The following LRMDA variants were observed in gnomAD, a reference collection of about 807,000 sequenced individuals.
LRMDA encodes leucine-rich melanocyte differentiation-associated protein.
Under a neutral mutation model 29.8 loss-of-function variants are expected in LRMDA, and 18 were observed. That is an observed-to-expected ratio of 0.60 (90% CI 0.42 to 0.90). LRMDA has a LOEUF of 0.90. LRMDA is among the 40% of genes least tolerant of loss of function. The pLI, the probability that LRMDA is intolerant of heterozygous loss-of-function variation, is 0.00. For synonymous variants in LRMDA, 125 were observed against 109.4 expected (o/e 1.14, Z -0.89); for missense variants, 273 against 273.9 (o/e 1.00, Z 0.02).
At chr10:75,764,135 C>T (rs1185687561) in intron 2 of LRMDA, among the ~76,000 whole-genome samples, 1 of 152,158 alleles carries the variant, frequency 6.6e-6, no homozygotes, top group Non-Finnish European at 1.5e-5. Flanking sequence ...TAGCCTCTCC[C>T]TTTCTAGCTC....
chr10:76,415,262 T>C (rs1359683456), intron 6 of LRMDA, among the ~76,000 whole-genome samples: 4 of 152,254 alleles, frequency 2.6e-5, no homozygotes, highest in Admixed American at 2.0e-4. Context: ...AGGGTTGACA[T>C]AAAGACATCA....
intron 2 of LRMDA, among the ~76,000 whole-genome samples, chr10:75,832,773 AT>A (rs926348427): frequency 6.6e-6 from 1 of 152,208 alleles, no homozygotes; most frequent in Non-Finnish European, 1.5e-5. Context: ...TCTTACGTGG[AT>A]GGTAGCAGGC....
intron 2 of LRMDA, among the ~76,000 whole-genome samples, chr10:75,634,523 T>C (rs1017170288): frequency 6.6e-6 from 1 of 152,308 alleles, no homozygotes; most frequent in African/African-American, 2.4e-5. Context: ...AGAGTGGCAT[T>C]CCCCAGGTGA....
intron 2 of LRMDA, among the ~76,000 whole-genome samples, chr10:75,652,726 A>ATG (rs1281449763): frequency 6.6e-6 from 1 of 151,696 alleles, no homozygotes; most frequent in Non-Finnish European, 1.5e-5. Context: ...ATTCTGGGGG[A>ATG]TGTGTGTGTG....
intron 2 of LRMDA, among the ~76,000 whole-genome samples, chr10:75,600,216 C>G (rs537058116): frequency 7.9e-5 from 12 of 152,276 alleles, no homozygotes; most frequent in Middle Eastern, 3.4e-3. Context: ...GCCTCAGGCT[C>G]CTGCATCTTC....
intron 6 of LRMDA, among the ~76,000 whole-genome samples, chr10:76,472,503 A>AG (rs1230443519): frequency 6.6e-6 from 1 of 151,732 alleles, no homozygotes; most frequent in Non-Finnish European, 1.5e-5. Context: ...TTAAGACAGT[A>AG]GAAAAACAAG....
At chr10:76,473,369 C>T (rs907173351) in intron 6 of LRMDA, among the ~76,000 whole-genome samples, 3 of 151,302 alleles carry the variant, frequency 2.0e-5, no homozygotes, top group East Asian at 1.9e-4. Context: ...TTCCCCAACG[C>T]GATAAAGGAC....
chr10:76,278,421 C>T (rs1236045775), intron 5 of LRMDA, among the ~76,000 whole-genome samples: 2 of 152,176 alleles, frequency 1.3e-5, no homozygotes, highest in Non-Finnish European at 2.9e-5. Context: ...GCATGTAAAA[C>T]TGTGATATTA....
At chr10:75,625,257 A>C (rs1352831431) in intron 2 of LRMDA, among the ~76,000 whole-genome samples, 1 of 152,220 alleles carries the variant, frequency 6.6e-6, no homozygotes, top group Non-Finnish European at 1.5e-5. Flanking sequence ...ACATGCACCA[A>C]CTGTATTTAA....
At chr10:75,634,032 A>G (rs1051388049) in intron 2 of LRMDA, among the ~76,000 whole-genome samples, 23 of 152,250 alleles carry the variant, frequency 1.5e-4, no homozygotes, top group African/African-American at 5.1e-4. Flanking sequence ...TAGGAAATTT[A>G]TTAATATAAA....
intron 6 of LRMDA, among the ~76,000 whole-genome samples, chr10:76,521,713 T>C (rs1843123002): frequency 6.6e-6 from 1 of 152,236 alleles, no homozygotes; most frequent in South Asian, 2.1e-4. Context: ...GTACTCCAGT[T>C]GACTTGATTC....
chr10:76,102,957 C>G (rs1345905545), intron 5 of LRMDA, among the ~76,000 whole-genome samples: 1 of 152,178 alleles, frequency 6.6e-6, no homozygotes, highest in Non-Finnish European at 1.5e-5. Flanking sequence ...ACATGTCCTG[C>G]TTGAGTACCT....
At chr10:76,226,364 C>A (rs1209136293) in intron 5 of LRMDA, among the ~76,000 whole-genome samples, 1 of 152,026 alleles carries the variant, frequency 6.6e-6, no homozygotes, top group East Asian at 1.9e-4. Flanking sequence ...GGGTGGATCA[C>A]CTGAGGTCGG....
At chr10:75,772,207 G>A (rs1843249774) in intron 2 of LRMDA, among the ~76,000 whole-genome samples, 1 of 152,140 alleles carries the variant, frequency 6.6e-6, no homozygotes, top group Non-Finnish European at 1.5e-5. Context: ...CTTCATGTTT[G>A]CTTTTATTGT....
Position 75,609,932 on chromosome 10 carries a change from T to C in LRMDA, c.131+171438T>C, listed in dbSNP as rs536044357. 2.6e-5 allele frequency among the ~76,000 whole-genome samples: 4 copies of C among 152,256 alleles called. No homozygotes were observed. The East Asian group carries it at 7.7e-4, about 29-fold the overall frequency. ...CCCAGTCTCCAGGACTTGGCCCAAG[T>C]GTGGCACATCCCAAAGATCTCAGAC... is the stretch of plus-strand genomic sequence containing the variant. On this transcript the variant is annotated intron_variant, in intron 2 of 6. Coordinates refer to ENST00000611255, the MANE Select transcript of LRMDA (RefSeq NM_001305581.2).
At chr10:75,552,794 A>G (rs1191502509) in intron 2 of LRMDA, among the ~76,000 whole-genome samples, 1 of 150,158 alleles carries the variant, frequency 6.7e-6, no homozygotes, top group Non-Finnish European at 1.5e-5. Flanking sequence ...CTACTCACCT[A>G]TCTTCAAGTT....
At position 76,411,842 on chromosome 10, in the gene LRMDA, A is replaced by ACAAATATAACC. The variant is rs542848833; in HGVS notation, c.601+87358_601+87368dup. Among the ~76,000 whole-genome samples the ACAAATATAACC allele has an allele frequency of 8.0e-3, 1,219 of 152,314 alleles. 15 individuals carry two copies. The highest frequency in any genetic ancestry group is 0.028 in the African/African-American group (1,173 of 41,562). On this transcript the variant is annotated intron_variant, in intron 6 of 6. Coordinates refer to ENST00000611255, the MANE Select transcript of LRMDA (RefSeq NM_001305581.2). ...TGGGGCAGGCCACTTTGGAGACATA[A>ACAAATATAACC]CAAATATAACCAGGGTAGAGCTCTG...
intron 2 of LRMDA, among the ~76,000 whole-genome samples, chr10:75,991,720 A>G (rs758964138): frequency 4.6e-5 from 7 of 152,208 alleles, no homozygotes; most frequent in African/African-American, 7.2e-5. Context: ...ATCCTCTCAT[A>G]GTTTTTGTTT....
At chr10:76,116,143 G>T (rs1849664959) in intron 5 of LRMDA, among the ~76,000 whole-genome samples, 1 of 152,108 alleles carries the variant, frequency 6.6e-6, no homozygotes, top group Admixed American at 6.5e-5. Flanking sequence ...TGTTTGTGCA[G>T]GTACACTAGG....
Sources: allele counts gnomAD v4.1 joint callset (sites outside exome capture counted in the v4.1 genomes callset), GRCh38; gene constraint gnomAD v4.1.1; transcripts MANE v1.5; gene names NCBI Gene and HGNC (gene_info 2026-07-23, HGNC 2026-07-21).